KIF13A: variants seen among roughly 807,000 people sequenced by gnomAD.
KIF13A encodes kinesin family member 13A, also known as kinesin-like protein KIF13A.
Under a neutral mutation model 212.2 loss-of-function variants are expected in KIF13A, and 79 were observed. That is an observed-to-expected ratio of 0.37 (90% CI 0.31 to 0.45). The LOEUF (loss-of-function observed/expected upper bound fraction) is 0.45, where lower values mean the gene tolerates loss of function less well. KIF13A is among the 20% of genes least tolerant of loss of function. The pLI, the probability that KIF13A is intolerant of heterozygous loss-of-function variation, is 1.00. For missense variants in KIF13A, 1,901 were observed against 2,209.0 expected (o/e 0.86, Z 2.79); for synonymous variants, 789 against 808.6 (o/e 0.98, Z 0.41).
At chr6:17,959,446 C>T (rs184504166) in intron 2 of KIF13A, among the ~76,000 whole-genome samples, 4 of 152,258 alleles carry the variant, frequency 2.6e-5, no homozygotes, top group Middle Eastern at 3.4e-3. Flanking sequence ...ATAAAGTTCT[C>T]GGAACACCAG....
At chr6:17,882,174 C>T (rs756786556) in intron 3 of KIF13A, 5 of 422,692 alleles carry the variant, frequency 1.2e-5, no homozygotes, top group Middle Eastern at 3.9e-4. Context: ...TGTGCTTTCA[C>T]TAATATGTTC....
intron 11 of KIF13A, among the ~76,000 whole-genome samples, chr6:17,835,195 C>CAAAAAAAAAAAAAAAAAAAA (rs61697144): frequency 6.5e-5 from 3 of 45,952 alleles, no homozygotes; most frequent in Non-Finnish European, 1.2e-4. Context: ...CCGCCCCCGC[C>CAAAAAAAAAAAAAAAAAAAA]AAAAAAAAAA....
chr6:17,789,421 G>T lies in KIF13A; in HGVS notation c.3261+451C>A, dbSNP rs1761341255. 1.3e-5 allele frequency among the ~76,000 whole-genome samples: 2 copies of T among 152,162 alleles called. No homozygotes were observed. The highest frequency in any genetic ancestry group is 6.5e-5 in the Admixed American group (1 of 15,278). ...GCATATTACAACAATATTAGCTCTT[G>T]GATGTAAGGAGCAGAATGCACTTTA... On this transcript the variant is annotated intron_variant, in intron 26 of 38. Transcript: ENST00000259711. This position sits in a 1 kb window ranked among gnomAD's most constrained non-coding sequence, Gnocchi z 4.8.
At chr6:17,791,555 T>C (rs114183896) in intron 25 of KIF13A, among the ~76,000 whole-genome samples, 1,807 of 152,290 alleles carry the variant, frequency 0.012, 39 homozygotes, top group African/African-American at 0.041. Context: ...TTTTAAAGTT[T>C]ACAATTTGAC....
At chr6:17,972,734 A>G (rs539339530) in intron 2 of KIF13A, among the ~76,000 whole-genome samples, 4 of 149,434 alleles carry the variant, frequency 2.7e-5, no homozygotes, top group African/African-American at 9.8e-5. Flanking sequence ...CAGTCTAGGG[A>G]GTGTCTCCCC....
chr6:17,830,681 G>C (rs1247709766), intron 13 of KIF13A, among the ~76,000 whole-genome samples: 1 of 152,182 alleles, frequency 6.6e-6, no homozygotes, highest in Non-Finnish European at 1.5e-5. Flanking sequence ...TCTAGGACGA[G>C]GGTCTCCTTT....
intron 2 of KIF13A, among the ~76,000 whole-genome samples, chr6:17,965,281 T>C (rs915032525): frequency 6.6e-6 from 1 of 152,064 alleles, no homozygotes; most frequent in Non-Finnish European, 1.5e-5. Flanking sequence ...GTCTGCAAAT[T>C]TACTTAGGTG....
chr6:17,889,698 G>A (rs1771867816), intron 3 of KIF13A, among the ~76,000 whole-genome samples: 1 of 152,124 alleles, frequency 6.6e-6, no homozygotes, highest in African/African-American at 2.4e-5. Context: ...AGGAGCCCCT[G>A]AGGACACCAA....
In KIF13A at chr6:17,926,615, G is replaced by A. The variant is rs1418464113; in HGVS notation, c.147-28435C>T. On this transcript the variant is annotated intron_variant, in intron 2 of 38. Coordinates refer to ENST00000259711, the MANE Select transcript of KIF13A (RefSeq NM_022113.6). This position sits in a 1 kb window ranked among gnomAD's most constrained non-coding sequence, Gnocchi z 4.3. Reference sequence around the variant, plus strand: ...TCACCAGCTGCTTCTCGGCTAGAAGGCATCCCCAATTATATACTCACTGGA... The same window carrying A: ...TCACCAGCTGCTTCTCGGCTAGAAGACATCCCCAATTATATACTCACTGGA... Among the ~76,000 whole-genome samples the A allele has an allele frequency of 6.6e-6, 1 of 151,202 alleles. No individual in the cohort carries two copies. The highest frequency in any genetic ancestry group is 1.5e-5 in the Non-Finnish European group (1 of 67,910).
At chr6:17,909,581 T>G (rs532124755) in intron 2 of KIF13A, among the ~76,000 whole-genome samples, 1 of 143,358 alleles carries the variant, frequency 7.0e-6, no homozygotes, top group African/African-American at 2.6e-5. Flanking sequence ...AAAATATGTA[T>G]GATAGAGGAA....
Position 17,785,737 on chromosome 6 carries a change from A to AC in KIF13A, c.3362-97dup. 2.3e-6 allele frequency: 3 copies of AC among 1,300,416 alleles called. No homozygotes were observed. The highest frequency in any genetic ancestry group is 3.2e-6 in the Non-Finnish European group (3 of 941,592). 80.6% of individuals were successfully genotyped at this position (1,300,416 alleles called of 1,614,324 possible). A position where few individuals can be genotyped will look rare whatever the true frequency, so the allele number is the denominator to read the frequency against. ...ATTTCAGCCTGGGCAACATAGTGAG[A>AC]CCCCATCTCTACCAAAAAAAAAAAA... On this transcript the variant is annotated intron_variant, in intron 27 of 38. Transcript: ENST00000259711. This position sits in a 1 kb window ranked among gnomAD's most constrained non-coding sequence, Gnocchi z 5.8.
At chr6:17,964,109 C>T (rs887818383) in intron 2 of KIF13A, among the ~76,000 whole-genome samples, 4 of 152,010 alleles carry the variant, frequency 2.6e-5, no homozygotes, top group African/African-American at 9.7e-5. Context: ...CAGAGTGAGA[C>T]CCTGTCTCTG....
chr6:17,869,797 T>G (rs549178386), intron 4 of KIF13A, among the ~76,000 whole-genome samples: 1 of 152,376 alleles, frequency 6.6e-6, no homozygotes, highest in Admixed American at 6.5e-5. Context: ...TCTCAATCCA[T>G]GCACTTATCT....
intron 2 of KIF13A, among the ~76,000 whole-genome samples, chr6:17,960,627 T>C (rs946711385): frequency 6.6e-6 from 1 of 152,162 alleles, no homozygotes. Context: ...CCAGGGGATA[T>C]ATCGAGAGCA....
intron 2 of KIF13A, chr6:17,953,794 A>T: frequency 5.5e-6 from 1 of 182,958 alleles, no homozygotes; most frequent in South Asian, 1.1e-4. Flanking sequence ...ACGACAGGAG[A>T]CTAGGGGAAT....
rs1349815375 is a variant in KIF13A at position 17,787,529 on chromosome 6, T to G, written c.3361+247A>C. On this transcript the variant is annotated intron_variant, in intron 27 of 38. Coordinates refer to ENST00000259711, the MANE Select transcript of KIF13A (RefSeq NM_022113.6). The surrounding 1 kb of genome is among the most constrained non-coding windows in gnomAD (Gnocchi z 4.6). ...AGCCAGGAGTGGTAGCTTGTGCCTG[T>G]GGTCTCAGCTACTCAGGAGGCTGAG... Among the ~76,000 whole-genome samples the G allele has an allele frequency of 6.6e-6, 1 of 152,124 alleles. No homozygotes were observed. Among genetic ancestry groups the G allele is most frequent in the Non-Finnish European group, 1.5e-5 (1 of 68,026 alleles).
At chr6:17,890,142 C>T (rs1309793399) in intron 3 of KIF13A, among the ~76,000 whole-genome samples, 1 of 148,080 alleles carries the variant, frequency 6.8e-6, no homozygotes, top group Non-Finnish European at 1.5e-5. Context: ...GAGCCGAGAT[C>T]GCACCATGGC....
Position 17,783,424 on chromosome 6 carries a change from C to T in KIF13A, c.3544+222G>A, listed in dbSNP as rs760319137. Among the ~76,000 whole-genome samples the T allele has an allele frequency of 2.0e-4, 30 of 152,342 alleles. No individual in the cohort carries two copies. The highest frequency in any genetic ancestry group is 4.3e-4 in the Non-Finnish European group (29 of 68,034). On this transcript the variant is annotated intron_variant, in intron 29 of 38. Coordinates refer to ENST00000259711, the MANE Select transcript of KIF13A (RefSeq NM_022113.6). This position sits in a 1 kb window ranked among gnomAD's most constrained non-coding sequence, Gnocchi z 4.3. ...TTCTATGTCCACTGTTTCAGAGCAACTGTGCTAATGCTCGTGCATGCAGTT... is the reference window on the plus strand; with the variant it reads ...TTCTATGTCCACTGTTTCAGAGCAATTGTGCTAATGCTCGTGCATGCAGTT...
chr6:17,839,192 T>G lies in KIF13A; in HGVS notation c.831-1609A>C, dbSNP rs62394129. 0.24 allele frequency among the ~76,000 whole-genome samples: 36,257 copies of G among 152,142 alleles called. 4,488 individuals are homozygous for G. The highest frequency in any genetic ancestry group is 0.32 in the Admixed American group (4,916 of 15,280). On this transcript the variant is annotated intron_variant, in intron 9 of 38. Coordinates refer to ENST00000259711, the MANE Select transcript of KIF13A (RefSeq NM_022113.6). This position sits in a 1 kb window ranked among gnomAD's most constrained non-coding sequence, Gnocchi z 4.3. ...GACGGATACCTTAAAAGCCCCGACT[T>G]GACCACTGCACAATCTGTGCCTGTA...
Sources: gnomAD v4.1 joint callset for allele counts (sites outside exome capture counted in the v4.1 genomes callset) on GRCh38, gnomAD v4.1.1 for gene constraint, Gnocchi (gnomAD v3.1) non-coding constraint, MANE v1.5 for transcripts, NCBI Gene and HGNC (gene_info 2026-07-23, HGNC 2026-07-21) for gene names.